The following NTM variants were observed in gnomAD, a reference collection of about 807,000 sequenced individuals.
The protein encoded by NTM is IgLON family member 2.
In NTM, 13 loss-of-function variants were observed where a neutral mutation model predicts 42.1. The ratio of observed to expected loss-of-function variants is 0.31; its 90% confidence interval spans 0.20 to 0.49. NTM has a LOEUF of 0.49. Ranked by LOEUF, NTM falls within the 20% of genes least tolerant of loss-of-function variation. The pLI is 0.99. For missense variants in NTM, 373 were observed against 452.8 expected, an observed-to-expected ratio of 0.82 and a Z score of 1.60; for synonymous variants, 187 against 179.2, an observed-to-expected ratio of 1.04 and a Z score of -0.35.
At chr11:131,740,732 C>T (rs937418968) in intron 1 of NTM, among the ~76,000 whole-genome samples, 74 of 152,264 alleles carry the variant, frequency 4.9e-4, no homozygotes, top group African/African-American at 1.7e-3. Context: ...AATTTCGAGT[C>T]AGTGGGCTGT....
chr11:131,464,908 C>T (rs1951748063), intron 1 of NTM, among the ~76,000 whole-genome samples: 1 of 152,146 alleles, frequency 6.6e-6, no homozygotes, highest in African/African-American at 2.4e-5. Context: ...GGACAAGACC[C>T]CCTGTTTTCA....
At chr11:131,726,531 G>GA (rs2078994376) in intron 1 of NTM, among the ~76,000 whole-genome samples, 1 of 151,138 alleles carries the variant, frequency 6.6e-6, no homozygotes, top group Non-Finnish European at 1.5e-5. Flanking sequence ...TCTGGAGAGT[G>GA]ATCGCACAGC....
intron 1 of NTM, among the ~76,000 whole-genome samples, chr11:131,551,093 G>A (rs1045148882): frequency 2.0e-5 from 3 of 152,142 alleles, no homozygotes; most frequent in African/African-American, 4.8e-5. Flanking sequence ...CTGGACTTGA[G>A]CTCCTAGGCT....
intron 1 of NTM, among the ~76,000 whole-genome samples, chr11:131,821,092 A>G (rs1437790468): frequency 1.3e-5 from 2 of 152,076 alleles, no homozygotes; most frequent in African/African-American, 2.4e-5. Flanking sequence ...TTCACACGCA[A>G]GTACAAAGAT....
intron 1 of NTM, among the ~76,000 whole-genome samples, chr11:131,488,329 C>T (rs1203361468): frequency 6.6e-6 from 1 of 152,160 alleles, no homozygotes; most frequent in African/African-American, 2.4e-5. Flanking sequence ...AACATACAAG[C>T]CAGCCCCACT....
chr11:131,929,103 A>G (rs116356097), intron 2 of NTM, among the ~76,000 whole-genome samples: 2,900 of 152,382 alleles, frequency 0.019, 93 homozygotes, highest in African/African-American at 0.065. Context: ...CGCACAATGC[A>G]ATGTCCGGTA....
At chr11:131,981,304 T>G (rs2065196567) in intron 2 of NTM, 1 of 152,212 alleles carries the variant, frequency 6.6e-6, no homozygotes, top group Non-Finnish European at 1.5e-5. Context: ...AGCTTTTAAG[T>G]GGGCACCCAT....
At chr11:131,674,400 G>A (rs187240896) in intron 1 of NTM, among the ~76,000 whole-genome samples, 1 of 152,364 alleles carries the variant, frequency 6.6e-6, no homozygotes, top group East Asian at 1.9e-4. Flanking sequence ...TTGTGGCTTA[G>A]CGGCTGGACG....
intron 1 of NTM, among the ~76,000 whole-genome samples, chr11:131,738,398 A>G (rs1253313942): frequency 6.6e-6 from 1 of 152,200 alleles, no homozygotes; most frequent in East Asian, 1.9e-4. Flanking sequence ...CACATTTCCC[A>G]TTACCTTTGT....
chr11:131,645,266 G>A (rs1428381827), intron 1 of NTM, among the ~76,000 whole-genome samples: 2 of 152,186 alleles, frequency 1.3e-5, no homozygotes, highest in Non-Finnish European at 2.9e-5. Context: ...CTTGAAAATC[G>A]TATGAGGCTG....
chr11:131,457,731 A>G (rs539875874), intron 1 of NTM, among the ~76,000 whole-genome samples: 1 of 150,168 alleles, frequency 6.7e-6, no homozygotes, highest in African/African-American at 2.5e-5. Flanking sequence ...TCCCCCCCCA[A>G]ATTTATGTGT....
intron 2 of NTM, among the ~76,000 whole-genome samples, chr11:132,001,869 TA>T (rs1470672988): frequency 1.3e-5 from 2 of 151,808 alleles, no homozygotes; most frequent in African/African-American, 4.8e-5. Context: ...CAAATGATAT[TA>T]AGGACAAACA....
chr11:132,275,875 T>C (rs1407869649), intron 4 of NTM, among the ~76,000 whole-genome samples: 1 of 151,536 alleles, frequency 6.6e-6, no homozygotes, highest in Non-Finnish European at 1.5e-5. Context: ...TTTTGTAATA[T>C]ATAATATTTT....
intron 2 of NTM, among the ~76,000 whole-genome samples, chr11:131,950,288 C>T (rs755552109): frequency 4.6e-5 from 7 of 152,202 alleles, no homozygotes; most frequent in Non-Finnish European, 8.8e-5. Context: ...TCCTGCTTTT[C>T]CACTGCACAC....
chr11:131,703,020 C>T (rs1309515808), intron 1 of NTM, among the ~76,000 whole-genome samples: 3 of 152,134 alleles, frequency 2.0e-5, no homozygotes, highest in African/African-American at 2.4e-5. Context: ...GTAGCAATCA[C>T]TGATTAACTA....
intron 1 of NTM, among the ~76,000 whole-genome samples, chr11:131,838,950 T>TAA (rs2043865150): frequency 1.3e-5 from 2 of 150,930 alleles, no homozygotes; most frequent in Non-Finnish European, 3.0e-5. Context: ...GTAAATGAAA[T>TAA]AAGTAAATAA....
intron 2 of NTM, among the ~76,000 whole-genome samples, chr11:132,111,567 T>C (rs542875513): frequency 1.3e-5 from 2 of 152,310 alleles, no homozygotes; most frequent in African/African-American, 4.8e-5. Flanking sequence ...TCCTCTGCAG[T>C]CCTAAGCAAG....
At chr11:131,528,640 G>T (rs1543121) in intron 1 of NTM, among the ~76,000 whole-genome samples, 12,382 of 152,212 alleles carry the variant, frequency 0.081, 572 homozygotes, top group Middle Eastern at 0.15. Context: ...GCTGCTAACT[G>T]GAGTAATCTC....
intron 4 of NTM, among the ~76,000 whole-genome samples, chr11:132,224,806 GC>G (rs1394437984): frequency 6.6e-6 from 1 of 152,220 alleles, no homozygotes; most frequent in Non-Finnish European, 1.5e-5. Context: ...AGAACCTGAT[GC>G]TTGGTCCAAT....
Sources: gnomAD v4.1 joint callset for allele counts (sites outside exome capture counted in the v4.1 genomes callset) on GRCh38, gnomAD v4.1.1 for gene constraint, MANE v1.5 for transcripts, NCBI Gene and HGNC (gene_info 2026-07-23, HGNC 2026-07-21) for gene names.